PTPN14: variants seen among roughly 807,000 people sequenced by gnomAD.
PTPN14 encodes tyrosine-protein phosphatase non-receptor type 14.
In PTPN14, 53 loss-of-function variants were observed where a neutral mutation model predicts 126.8. That is an observed-to-expected ratio of 0.42 (90% CI 0.34 to 0.53). PTPN14 has a LOEUF of 0.53. PTPN14 is among the 20% of genes least tolerant of loss of function. PTPN14 has a pLI of 0.08. For synonymous variants in PTPN14, 630 were observed against 599.3 expected (o/e 1.05, Z -0.75); for missense variants, 1,257 against 1,552.9 (o/e 0.81, Z 3.20).
At chr1:214,441,986 T>A (rs1295009305) in intron 3 of PTPN14, among the ~76,000 whole-genome samples, 1 of 152,238 alleles carries the variant, frequency 6.6e-6, no homozygotes, top group Non-Finnish European at 1.5e-5. Flanking sequence ...AATGAATGTA[T>A]CTTTGAAAAT....
intron 2 of PTPN14, among the ~76,000 whole-genome samples, chr1:214,452,204 G>GTGCTTGCA (rs1003593458): frequency 4.6e-5 from 7 of 152,226 alleles, no homozygotes; most frequent in African/African-American, 1.7e-4. Context: ...ACTACTGTTT[G>GTGCTTGCA]TGCTTGCAGA....
At chr1:214,443,780 G>A (rs11120323) in intron 3 of PTPN14, among the ~76,000 whole-genome samples, 40,978 of 152,096 alleles carry the variant, frequency 0.27, 6,276 homozygotes, top group Non-Finnish European at 0.34. Context: ...GCAACTAACT[G>A]CACAGGTCAC....
At chr1:214,534,224 G>T (rs1655637836) in intron 1 of PTPN14, among the ~76,000 whole-genome samples, 1 of 152,166 alleles carries the variant, frequency 6.6e-6, no homozygotes, top group Admixed American at 6.6e-5. Flanking sequence ...TATGTAACAA[G>T]ATCTACAAGC....
intron 3 of PTPN14, among the ~76,000 whole-genome samples, chr1:214,427,781 G>C (rs928575023): frequency 1.3e-5 from 2 of 151,928 alleles, no homozygotes; most frequent in Non-Finnish European, 2.9e-5. Flanking sequence ...TCTGAGCAAA[G>C]ATCTGAAAAA....
At chr1:214,517,216 C>T (rs991682471) in intron 1 of PTPN14, among the ~76,000 whole-genome samples, 2 of 152,202 alleles carry the variant, frequency 1.3e-5, no homozygotes, top group African/African-American at 4.8e-5. Context: ...ACCTCCATTT[C>T]TGTGAAGGCA....
At chr1:214,475,117 T>C (rs56230786) in intron 1 of PTPN14, among the ~76,000 whole-genome samples, 13,780 of 152,172 alleles carry the variant, frequency 0.091, 640 homozygotes, top group South Asian at 0.12. Flanking sequence ...TCTACAGCTT[T>C]GTATGTGCCT....
chr1:214,466,732 A>G (rs1032298613), intron 1 of PTPN14, among the ~76,000 whole-genome samples: 2 of 152,208 alleles, frequency 1.3e-5, no homozygotes, highest in African/African-American at 4.8e-5. Context: ...TAACTCAGGC[A>G]GATCCACTAG....
At chr1:214,470,735 G>T (rs1202648283) in intron 1 of PTPN14, among the ~76,000 whole-genome samples, 1 of 137,152 alleles carries the variant, frequency 7.3e-6, no homozygotes, top group Non-Finnish European at 1.5e-5. Flanking sequence ...AGTGAGCCGA[G>T]ATCGTGCCAC....
intron 1 of PTPN14, among the ~76,000 whole-genome samples, chr1:214,522,601 A>G (rs1655287319): frequency 6.6e-6 from 1 of 152,218 alleles, no homozygotes; most frequent in Non-Finnish European, 1.5e-5. Context: ...AGTTTAAACC[A>G]GCGTAAAAAA....
rs567749156 is a variant in PTPN14 at position 214,537,791 on chromosome 1, C to T, written c.-155+13392G>A. Among the ~76,000 whole-genome samples the T allele has an allele frequency of 2.6e-5, 4 of 152,244 alleles. No homozygotes were observed. In the East Asian group the frequency reaches 5.8e-4, roughly 22 times the overall value. ...AGAGTAGTTTGATAACCATCTATGA[C>T]GGTGCTGTCCAAAAGAAATATAATG... On this transcript the variant is annotated intron_variant, in intron 1 of 18. Transcript: ENST00000366956.
rs150805510 is a variant in PTPN14, at chr1:214,414,657, C to T, written c.414G>A (p.Val138=). ...EGRLRCTLDQ[V]IRLAGLAVQA... is the part of the protein sequence containing the mutation. ...GCACAGCTAGGCCGGCTAGCCGAAT[C>T]ACCTGGTCCAATGTACATCGTAATC... is the stretch of plus-strand genomic sequence containing the variant. Residue 138 remains valine (V), a synonymous_variant, in exon 4 of 19, where the codon GTG becomes GTA. Coordinates refer to ENST00000366956, the MANE Select transcript of PTPN14 (RefSeq NM_005401.5). 181 of 1,614,098 alleles carry T rather than the reference C, an allele frequency of 1.1e-4. No homozygotes were observed. In the African/African-American group the frequency reaches 2.1e-3, roughly 19 times the overall value.
chr1:214,548,573 G>A (rs1656028825), intron 1 of PTPN14, among the ~76,000 whole-genome samples: 1 of 152,092 alleles, frequency 6.6e-6, no homozygotes, highest in African/African-American at 2.4e-5. Context: ...CACAGCATTT[G>A]GTGACTAAGT....
At chr1:214,540,043 C>A (rs1028255999) in intron 1 of PTPN14, among the ~76,000 whole-genome samples, 9 of 152,034 alleles carry the variant, frequency 5.9e-5, no homozygotes, top group Non-Finnish European at 1.3e-4. Flanking sequence ...TCCCATTTTT[C>A]CCCTCATAAA....
At chr1:214,509,291 T>C (rs1315355101) in intron 1 of PTPN14, among the ~76,000 whole-genome samples, 2 of 152,234 alleles carry the variant, frequency 1.3e-5, no homozygotes, top group African/African-American at 4.8e-5. Flanking sequence ...TGCTGCAGCT[T>C]CTACATCAGC....
At chr1:214,421,276 T>TAAGTAAA (rs975441846) in intron 3 of PTPN14, among the ~76,000 whole-genome samples, 69 of 152,350 alleles carry the variant, frequency 4.5e-4, no homozygotes, top group African/African-American at 1.7e-3. Flanking sequence ...GGCATTATGC[T>TAAGTAAA]AAGTAAAAGA....
At chr1:214,429,900 G>A (rs933859855) in intron 3 of PTPN14, among the ~76,000 whole-genome samples, 18 of 152,096 alleles carry the variant, frequency 1.2e-4, no homozygotes, top group African/African-American at 4.1e-4. Flanking sequence ...GAACATACTG[G>A]GAATTCTAGA....
chr1:214,479,949 T>C (rs1660950106), intron 1 of PTPN14, among the ~76,000 whole-genome samples: 1 of 152,214 alleles, frequency 6.6e-6, no homozygotes, highest in Admixed American at 6.5e-5. Flanking sequence ...ACCATCTTAT[T>C]TGATATCTTT....
intron 1 of PTPN14, among the ~76,000 whole-genome samples, chr1:214,536,971 T>G (rs1278679279): frequency 6.6e-6 from 1 of 152,216 alleles, no homozygotes; most frequent in Admixed American, 6.5e-5. Flanking sequence ...GTTGGTACAC[T>G]GAGAGAAAAA....
chr1:214,428,835 A>G (rs1405439466), intron 3 of PTPN14, among the ~76,000 whole-genome samples: 1 of 152,234 alleles, frequency 6.6e-6, no homozygotes, highest in African/African-American at 2.4e-5. Flanking sequence ...CTTTAAAAAC[A>G]TCATCATTTT....
Sources: gnomAD v4.1 joint callset for allele counts (sites outside exome capture counted in the v4.1 genomes callset) on GRCh38, gnomAD v4.1.1 for gene constraint, MANE v1.5 for transcripts, NCBI Gene and HGNC (gene_info 2026-07-23, HGNC 2026-07-21) for gene names.